Variants in BBOX1 observed in about 807,000 individuals in gnomAD.
BBOX1 encodes the protein gamma-butyrobetaine dioxygenase.
In BBOX1, 35 loss-of-function variants were observed where a neutral mutation model predicts 41.6. The ratio of observed to expected loss-of-function variants is 0.84; its 90% confidence interval spans 0.64 to 1.11. BBOX1 has a LOEUF of 1.11. Among genes scored for constraint, BBOX1 ranks in the 50% most tolerant of loss-of-function variants. The probability of loss-of-function intolerance (pLI) is 0.00; values close to 1 mark genes in which losing one functional copy is unlikely to be tolerated. For missense variants in BBOX1, 458 were observed against 460.6 expected (o/e 0.99, Z 0.05); for synonymous variants, 163 against 154.7 (o/e 1.05, Z -0.40).
chr11:27,057,334 T>C lies in BBOX1; in HGVS notation c.334+19T>C. 1 of 1,572,532 alleles carries C rather than the reference T, an allele frequency of 6.4e-7. No individual in the cohort carries two copies. Among genetic ancestry groups the C allele is most frequent in the Non-Finnish European group, 8.7e-7 (1 of 1,144,936 alleles). ...TTTCCAGGTAACTTTGCCAAAGTCTTCAATGTCTTTTTAAACCCTTACAGT... is the reference window on the plus strand; with the variant it reads ...TTTCCAGGTAACTTTGCCAAAGTCTCCAATGTCTTTTTAAACCCTTACAGT... On this transcript the variant is annotated intron_variant, in intron 4 of 8. Coordinates refer to ENST00000263182, the MANE Select transcript of BBOX1 (RefSeq NM_003986.3).
At chr11:27,120,870 T>C (rs1859435757) in intron 7 of BBOX1, among the ~76,000 whole-genome samples, 1 of 152,108 alleles carries the variant, frequency 6.6e-6, no homozygotes, top group Admixed American at 6.5e-5. Flanking sequence ...GGCCAGCCAC[T>C]TTTCTTGGTA....
chr11:27,048,765 T>TTA (rs1554934203), intron 2 of BBOX1, among the ~76,000 whole-genome samples: 2 of 150,930 alleles, frequency 1.3e-5, no homozygotes, highest in East Asian at 3.9e-4. Context: ...TTTTTTTTTT[T>TTA]TATACTTTAA....
At chr11:27,092,880 A>G (rs1858298285) in intron 4 of BBOX1, among the ~76,000 whole-genome samples, 1 of 151,962 alleles carries the variant, frequency 6.6e-6, no homozygotes, top group Non-Finnish European at 1.5e-5. Context: ...CTAAGAACAT[A>G]CAGATCAAGA....
chr11:27,115,660 T>A (rs941153543), intron 6 of BBOX1, 103 bp downstream of exon 6: 9 of 1,010,122 alleles, frequency 8.9e-6, no homozygotes, highest in Admixed American at 6.7e-5. Context: ...AGTTTGTCTT[T>A]TATAAATTTT....
rs776851559 is a variant in BBOX1 at position 27,093,176 on chromosome 11, T to A, written c.343T>A (p.Tyr115Asn). The A allele has an allele frequency of 1.2e-6, 2 of 1,611,824 alleles. No homozygotes were observed. Among genetic ancestry groups the A allele is most frequent in the Non-Finnish European group, 1.7e-6 (2 of 1,178,658 alleles). The part of the protein sequence containing the change: ...QRELFFPECQ[Y>N]WGSELQLPTL... ...ATTTTATCAATTCACAGAATGCCAATACTGGGGCTCAGAGCTCCAGCTACC... is the reference window on the plus strand; with the variant it reads ...ATTTTATCAATTCACAGAATGCCAAAACTGGGGCTCAGAGCTCCAGCTACC... The change falls in exon 5 of 9, where the codon TAC (tyrosine) becomes AAC (asparagine). Residue 115 changes from tyrosine (Y) to asparagine (N), a missense_variant. Transcript: ENST00000263182.
At chr11:27,058,268 T>G (rs986131636) in intron 4 of BBOX1, among the ~76,000 whole-genome samples, 1 of 152,180 alleles carries the variant, frequency 6.6e-6, no homozygotes, top group African/African-American at 2.4e-5. Context: ...CTCCAGAAGT[T>G]GAGCAGATGT....
intron 8 of BBOX1, among the ~76,000 whole-genome samples, chr11:27,126,261 G>T (rs572330502): frequency 6.6e-6 from 1 of 152,060 alleles, no homozygotes; most frequent in Non-Finnish European, 1.5e-5. Flanking sequence ...CTCTGCTGTC[G>T]GTTTGGCCAG....
chr11:27,121,347 T>A (rs1859457178), intron 7 of BBOX1, among the ~76,000 whole-genome samples: 2 of 152,250 alleles, frequency 1.3e-5, no homozygotes, highest in South Asian at 4.1e-4. Context: ...ACAGTAACAT[T>A]TACTCTGAGT....
intron 6 of BBOX1, among the ~76,000 whole-genome samples, chr11:27,118,760 C>T (rs530173533): frequency 6.6e-6 from 1 of 151,770 alleles, no homozygotes. Context: ...TATCAAGGGG[C>T]CTTGACATAT....
chr11:27,046,865 A>T (rs888692189), intron 2 of BBOX1, among the ~76,000 whole-genome samples: 6 of 152,128 alleles, frequency 3.9e-5, no homozygotes, highest in Non-Finnish European at 4.4e-5. Flanking sequence ...TCATGTTAAC[A>T]TACAAGCTAT....
At chr11:27,067,385 C>T (rs1450996920) in intron 4 of BBOX1, among the ~76,000 whole-genome samples, 1 of 151,976 alleles carries the variant, frequency 6.6e-6, no homozygotes, top group Non-Finnish European at 1.5e-5. Flanking sequence ...CACGCTCCCA[C>T]TTCTGAGTCT....
intron 4 of BBOX1, among the ~76,000 whole-genome samples, chr11:27,087,158 T>C (rs1330931018): frequency 6.6e-6 from 1 of 152,076 alleles, no homozygotes; most frequent in Non-Finnish European, 1.5e-5. Context: ...GTTTATAAAG[T>C]AGTGGCAGAG....
rs1212515614 is a variant in BBOX1, at chr11:27,062,564, TTTC to T, written c.334+5252_334+5254del. ...TTGTACATGTCTCCTAGGCTTTCTT[TTTC>T]TTTTTTTTTTGAGACGGAGTCTTCC... On this transcript the variant is annotated intron_variant, in intron 4 of 8. Transcript: ENST00000263182. Among the ~76,000 whole-genome samples the T allele has an allele frequency of 4.0e-4, 59 of 148,022 alleles. No homozygotes were observed. The South Asian group carries it at 0.01, about 26-fold the overall frequency.
chr11:27,100,666 C>T (rs1009477854), intron 5 of BBOX1, among the ~76,000 whole-genome samples: 2 of 152,050 alleles, frequency 1.3e-5, no homozygotes, highest in African/African-American at 4.8e-5. Context: ...CCAGGGTTCC[C>T]TTTGTAATAT....
chr11:27,118,802 A>C (rs1859354896), intron 6 of BBOX1, among the ~76,000 whole-genome samples: 1 of 151,964 alleles, frequency 6.6e-6, no homozygotes, highest in Non-Finnish European at 1.5e-5. Flanking sequence ...TCTTTTTAAA[A>C]ATTAGCACTT....
At chr11:27,080,367 C>T (rs188106877) in intron 4 of BBOX1, among the ~76,000 whole-genome samples, 1 of 152,076 alleles carries the variant, frequency 6.6e-6, no homozygotes, top group Non-Finnish European at 1.5e-5. Flanking sequence ...TAGTATTTGA[C>T]TCTCTTTCAC....
At chr11:27,051,421 T>A (rs1851665973) in intron 2 of BBOX1, among the ~76,000 whole-genome samples, 1 of 152,024 alleles carries the variant, frequency 6.6e-6, no homozygotes, top group Non-Finnish European at 1.5e-5. Flanking sequence ...AATTCTTCTT[T>A]AATGTTTGGT....
intron 2 of BBOX1, among the ~76,000 whole-genome samples, chr11:27,045,888 C>T (rs1851473187): frequency 6.6e-6 from 1 of 152,144 alleles, no homozygotes; most frequent in Admixed American, 6.5e-5. Flanking sequence ...GCATCTGCTT[C>T]CTGTGAATTC....
intron 4 of BBOX1, among the ~76,000 whole-genome samples, chr11:27,078,796 TCA>T (rs1857724527): frequency 6.6e-6 from 1 of 151,982 alleles, no homozygotes; most frequent in Admixed American, 6.6e-5. Flanking sequence ...CACTTTGGAG[TCA>T]GAAGAGCTGG....
Sources: allele counts gnomAD v4.1 joint callset (sites outside exome capture counted in the v4.1 genomes callset), GRCh38; gene constraint gnomAD v4.1.1; transcripts MANE v1.5; gene names NCBI Gene and HGNC (gene_info 2026-07-23, HGNC 2026-07-21).